MOB3B: variants seen among roughly 807,000 people sequenced by gnomAD.
MOB3B encodes MOB kinase activator-like 2B.
MOB3B carries 7 observed loss-of-function variants against 18.7 expected under a neutral mutation model. The ratio of observed to expected loss-of-function variants is 0.37; its 90% CI spans 0.21 to 0.70. The LOEUF (loss-of-function observed/expected upper bound fraction) is 0.70. MOB3B is among the 30% of genes least tolerant of loss of function. The pLI is 0.52. For synonymous variants in MOB3B, 111 were observed against 99.9 expected (o/e 1.11, Z -0.66); for missense variants, 253 against 281.3 (o/e 0.90, Z 0.72).
chr9:27,380,902 A>C (rs1035666134), intron 2 of MOB3B, among the ~76,000 whole-genome samples: 4 of 152,156 alleles, frequency 2.6e-5, no homozygotes, highest in African/African-American at 9.7e-5. Flanking sequence ...CTGCCTAAGG[A>C]AGTTCAATTT....
At chr9:27,406,302 C>A (rs940079780) in intron 2 of MOB3B, among the ~76,000 whole-genome samples, 10 of 152,018 alleles carry the variant, frequency 6.6e-5, no homozygotes, top group Non-Finnish European at 1.2e-4. Flanking sequence ...AAAAAGAAAC[C>A]AAGAAAGTAA....
chr9:27,352,846 C>T (rs1821123688), intron 3 of MOB3B, among the ~76,000 whole-genome samples: 1 of 152,172 alleles, frequency 6.6e-6, no homozygotes, highest in Admixed American at 6.5e-5. Flanking sequence ...GCGGGCTACA[C>T]AAAATTGAAC....
Position 27,390,100 on chromosome 9 carries a change from C to A in MOB3B, c.419-30864G>T, listed in dbSNP as rs139533412. On this transcript the variant is annotated intron_variant, in intron 2 of 3. Coordinates refer to ENST00000262244, the MANE Select transcript of MOB3B (RefSeq NM_024761.5). Reference sequence around the variant, plus strand: ...TATGTGTGTATATATATATTTGAGACGGAGTCTCGCTATGTTACCCAGGCT... The same window carrying A: ...TATGTGTGTATATATATATTTGAGAAGGAGTCTCGCTATGTTACCCAGGCT... Among the ~76,000 whole-genome samples, 382 of 152,092 alleles carry A rather than the reference C, an allele frequency of 2.5e-3. 1 individual carries two copies. Among genetic ancestry groups the A allele is most frequent in the African/African-American group, 8.6e-3 (357 of 41,496 alleles).
At chr9:27,356,657 C>T (rs888160470) in intron 3 of MOB3B, among the ~76,000 whole-genome samples, 1 of 152,140 alleles carries the variant, frequency 6.6e-6, no homozygotes, top group Admixed American at 6.5e-5. Context: ...GCTTCCACAG[C>T]CTCTTCCTTC....
intron 1 of MOB3B, among the ~76,000 whole-genome samples, chr9:27,517,461 A>G (rs1013488566): frequency 1.3e-5 from 2 of 152,014 alleles, no homozygotes; most frequent in African/African-American, 4.8e-5. Flanking sequence ...CAGCCTGGCC[A>G]ACATGGTGAA....
intron 3 of MOB3B, among the ~76,000 whole-genome samples, chr9:27,332,158 A>G (rs1820798638): frequency 6.6e-6 from 1 of 152,066 alleles, no homozygotes; most frequent in Admixed American, 6.5e-5. Context: ...ACACCTGGCT[A>G]GTTTTTAAGT....
rs369509264 is a variant in MOB3B, at chr9:27,455,389, C to T, written c.162G>A (p.Glu54=). ...LKAAVQLPSG[E]DQNDWVAVHV... is the part of the protein sequence containing the mutation. ...GTACTGCCACCCAGTCATTCTGGTC[C>T]TCCCCACTGGGCAACTGCACAGCCG... Residue 54 remains glutamate (E), a synonymous_variant, in exon 2 of 4, where the codon GAG becomes GAA. Transcript: ENST00000262244. The T allele has an allele frequency of 1.9e-6, 3 of 1,614,094 alleles. No homozygotes were observed. The highest frequency in any genetic ancestry group is 1.3e-5 in the African/African-American group (1 of 74,926).
intron 3 of MOB3B, among the ~76,000 whole-genome samples, chr9:27,335,880 G>C: frequency 6.6e-6 from 1 of 151,536 alleles, no homozygotes; most frequent in East Asian, 1.9e-4. Flanking sequence ...TTCAGCACCA[G>C]GCTGCTCTTG....
chr9:27,401,845 G>A (rs576722074), intron 2 of MOB3B, among the ~76,000 whole-genome samples: 1 of 152,292 alleles, frequency 6.6e-6, no homozygotes, highest in Admixed American at 6.5e-5. Context: ...TGAAACATGA[G>A]TAACCACAAC....
At chr9:27,520,107 G>A (rs1009020347) in intron 1 of MOB3B, among the ~76,000 whole-genome samples, 2 of 152,130 alleles carry the variant, frequency 1.3e-5, no homozygotes, top group South Asian at 2.1e-4. Context: ...GTCCTGATTC[G>A]AAACTTGTCT....
chr9:27,494,697 T>G (rs10967963), intron 1 of MOB3B, among the ~76,000 whole-genome samples: 27,469 of 151,976 alleles, frequency 0.18, 2,599 homozygotes, highest in East Asian at 0.34. Flanking sequence ...GCATTTTTAA[T>G]AGAGACGGGG....
intron 1 of MOB3B, among the ~76,000 whole-genome samples, chr9:27,465,617 C>T (rs748416019): frequency 1.4e-4 from 22 of 152,326 alleles, no homozygotes; most frequent in African/African-American, 4.8e-4. Flanking sequence ...ACTGCCCTAG[C>T]GGAGGTTCTC....
chr9:27,350,789 C>T (rs35085076), intron 3 of MOB3B, among the ~76,000 whole-genome samples: 2,171 of 152,250 alleles, frequency 0.014, 36 homozygotes, highest in East Asian at 0.091. Context: ...GCCGATGCCA[C>T]CCTGGACACA....
chr9:27,446,809 A>T (rs1374459876), intron 2 of MOB3B, among the ~76,000 whole-genome samples: 3 of 152,198 alleles, frequency 2.0e-5, no homozygotes, highest in Non-Finnish European at 4.4e-5. Flanking sequence ...AGAGAGACTA[A>T]AATTATGCTA....
At chr9:27,464,306 T>C (rs1819343779) in intron 1 of MOB3B, among the ~76,000 whole-genome samples, 1 of 152,234 alleles carries the variant, frequency 6.6e-6, no homozygotes, top group Non-Finnish European at 1.5e-5. Context: ...TTGGGTGGAC[T>C]TCTAATTCTC....
At chr9:27,449,630 G>A (rs537265164) in intron 2 of MOB3B, among the ~76,000 whole-genome samples, 3 of 152,170 alleles carry the variant, frequency 2.0e-5, no homozygotes, top group South Asian at 2.1e-4. Context: ...TCTTGCTAGC[G>A]TTACAAAGAT....
At chr9:27,481,725 C>T (rs1037701340) in intron 1 of MOB3B, among the ~76,000 whole-genome samples, 2 of 151,956 alleles carry the variant, frequency 1.3e-5, no homozygotes, top group Non-Finnish European at 2.9e-5. Flanking sequence ...TGGGGTTTCA[C>T]TGTGTTAGCC....
chr9:27,403,351 C>A (rs553711059), intron 2 of MOB3B, among the ~76,000 whole-genome samples: 1 of 152,004 alleles, frequency 6.6e-6, no homozygotes, highest in Non-Finnish European at 1.5e-5. Flanking sequence ...CATAGTTACA[C>A]TTAGGAGAAA....
chr9:27,348,091 T>C (rs139692527), intron 3 of MOB3B, among the ~76,000 whole-genome samples: 387 of 152,266 alleles, frequency 2.5e-3, no homozygotes, highest in Middle Eastern at 6.8e-3. Context: ...AAAGTGTAGA[T>C]AGTTGGCTAG....
Sources: gnomAD v4.1 joint callset for allele counts (sites outside exome capture counted in the v4.1 genomes callset) on GRCh38, gnomAD v4.1.1 for gene constraint, MANE v1.5 for transcripts, NCBI Gene and HGNC (gene_info 2026-07-23, HGNC 2026-07-21) for gene names.